The following ERCC4 variants were observed in gnomAD, a reference collection of about 807,000 sequenced individuals.
ERCC4 encodes ERCC excision repair 4, endonuclease catalytic subunit, also known as DNA repair endonuclease XPF.
ERCC4 carries 65 observed loss-of-function variants against 76.9 expected under a neutral mutation model. The observed-to-expected ratio is 0.84, with a 90% CI of 0.69 to 1.04. The LOEUF is 1.04. Among genes scored for constraint, ERCC4 ranks in the 50% least tolerant of loss-of-function variants. ERCC4 has a pLI of 0.00. For synonymous variants in ERCC4, 463 were observed against 410.1 expected (o/e 1.13, Z -1.56); for missense variants, 1,214 against 1,128.2 (o/e 1.08, Z -1.09).
chr16:13,926,727 T>C lies in ERCC4; in HGVS notation c.555T>C (p.Leu185=), dbSNP rs113129434. The C allele has an allele frequency of 1.1e-5, 17 of 1,613,874 alleles. No homozygotes were observed. The African/African-American group carries it at 1.5e-4, about 14-fold the overall frequency. The change falls in exon 3 of 11, where the codon CTT becomes CTC. Residue 185 remains leucine, a synonymous_variant. Transcript: ENST00000311895. ...ATGTGGAAAGAGTGATGAGAAATCT[T>C]TTTGTGAGGAAACTGTATCTGTGGC... ...FCHVERVMRN[L]FVRKLYLWPR... is the part of the protein sequence containing the mutation.
rs777853585 is a variant in ERCC4, at chr16:13,947,671, G to T, written c.2075G>T (p.Arg692Leu). The T allele has an allele frequency of 6.2e-7, 1 of 1,614,178 alleles. No homozygotes were observed. The highest frequency in any genetic ancestry group is 1.1e-5 in the South Asian group (1 of 91,080). ...ATAGTTGTGGATATGCGTGAATTTC[G>T]AAGTGAGCTTCCATCTCTGATCCAT... ...QSIVVDMREF[R>L]SELPSLIHRR... The change falls in exon 11 of 11, where the codon CGA (arginine) becomes CTA (leucine). Residue 692 changes from arginine (R) to leucine (L), a missense_variant. Physicochemically the swap from Arg to Leu is moderately radical, Grantham distance 102. Transcript: ENST00000311895.
intron 10 of ERCC4, among the ~76,000 whole-genome samples, chr16:13,945,587 A>T (rs1336341973): frequency 6.6e-6 from 1 of 152,214 alleles, no homozygotes; most frequent in Non-Finnish European, 1.5e-5. Flanking sequence ...ATAACCTCAG[A>T]TGCTCATTAA....
At chr16:13,941,813 C>T (rs942946563) in intron 9 of ERCC4, among the ~76,000 whole-genome samples, 2 of 152,094 alleles carry the variant, frequency 1.3e-5, no homozygotes, top group Non-Finnish European at 2.9e-5. Flanking sequence ...TTTGAAAATA[C>T]GATCACAAAA....
chr16:13,945,037 G>A (rs1269188981), intron 10 of ERCC4, among the ~76,000 whole-genome samples: 1 of 152,224 alleles, frequency 6.6e-6, no homozygotes, highest in East Asian at 1.9e-4. Flanking sequence ...AAGGCACTGT[G>A]TCATCTGCGA....
chr16:13,937,846 A>T lies in ERCC4; in HGVS notation c.1892A>T (p.Glu631Val), dbSNP rs1383387911. Residue 631 changes from glutamate (E) to valine (V), a missense_variant, in exon 9 of 11, where the codon GAA becomes GTA. By Grantham distance (121) the Glu-to-Val change is moderately radical. Transcript: ENST00000311895. ...TTGCGGAAAGAAAAGGAAGCTTTTG[A>T]AAAACTCATAAGGTAATACATAGAA... is the stretch of plus-strand genomic sequence containing the variant. ...TALRKEKEAFEKLIREKASMV... is the reference protein window; with the variant it reads ...TALRKEKEAFVKLIREKASMV... The T allele has an allele frequency of 6.2e-7, 1 of 1,608,692 alleles. No homozygotes were observed. The highest frequency in any genetic ancestry group is 8.5e-7 in the Non-Finnish European group (1 of 1,175,104).
chr16:13,925,677 A>G (rs1354434726), intron 2 of ERCC4, among the ~76,000 whole-genome samples: 3 of 152,182 alleles, frequency 2.0e-5, no homozygotes, highest in Non-Finnish European at 4.4e-5. Context: ...TGCAAGTACC[A>G]TTATGCCAAA....
At chr16:13,945,570 C>G (rs1056417795) in intron 10 of ERCC4, among the ~76,000 whole-genome samples, 1 of 152,202 alleles carries the variant, frequency 6.6e-6, no homozygotes, top group Non-Finnish European at 1.5e-5. Flanking sequence ...ATTTAGTAGA[C>G]TTTAGAATAA....
chr16:13,933,382 CCTG>C (rs1265647784), intron 6 of ERCC4: 1 of 154,100 alleles, frequency 6.5e-6, no homozygotes, highest in African/African-American at 2.4e-5. Flanking sequence ...AGGGTTAATG[CCTG>C]CTTTCTGCCT....
intron 8 of ERCC4, among the ~76,000 whole-genome samples, chr16:13,936,571 G>A (rs1032769690): frequency 4.6e-5 from 7 of 152,252 alleles, no homozygotes; most frequent in Non-Finnish European, 7.3e-5. Context: ...GAACAGAATA[G>A]TGTGGTATTT....
rs1334943980 is a variant in ERCC4 at position 13,947,722 on chromosome 16, T to TGACTTTAG, written c.2127_2134dup (p.Glu712GlyfsTer3). On this transcript the variant is annotated frameshift_variant, in exon 11 of 11. Coordinates refer to ENST00000311895, the MANE Select transcript of ERCC4 (RefSeq NM_005236.3). LOFTEE classifies it high-confidence loss of function. ...CGTCGGGGCATTGACATTGAACCCG[T>TGACTTTAG]GACTTTAGAGGTTGGAGATTACATC... is the stretch of plus-strand genomic sequence containing the variant. 1 of 1,614,224 alleles carries TGACTTTAG rather than the reference T, an allele frequency of 6.2e-7. No individual in the cohort carries two copies. Among genetic ancestry groups the TGACTTTAG allele is most frequent in the East Asian group, 2.2e-5 (1 of 44,886 alleles).
In ERCC4 at chr16:13,950,911, T is replaced by TACC; in HGVS notation, c.*2566_*2568dup. ...ATAACAGTCTTAAAAATTGCACTAATACCAGTGCCCCCCTGGCTCTCCAAA... is the reference window on the plus strand; with the variant it reads ...ATAACAGTCTTAAAAATTGCACTAATACCACCAGTGCCCCCCTGGCTCTCCAAA... On this transcript the variant is annotated 3_prime_UTR_variant, in exon 11 of 11. Coordinates refer to ENST00000311895, the MANE Select transcript of ERCC4 (RefSeq NM_005236.3). 1 of 181,540 alleles carries TACC rather than the reference T, an allele frequency of 5.5e-6. No homozygotes were observed. Among genetic ancestry groups the TACC allele is most frequent in the Non-Finnish European group, 1.2e-5 (1 of 86,562 alleles). The allele number at this position is 181,540 out of a possible 1,614,324, so 11.2% of individuals were successfully genotyped here.
chr16:13,922,854 T>C (rs2032004652), intron 2 of ERCC4, among the ~76,000 whole-genome samples: 1 of 152,248 alleles, frequency 6.6e-6, no homozygotes. Context: ...TAAATATCTG[T>C]GACCTGAATA....
intron 9 of ERCC4, among the ~76,000 whole-genome samples, chr16:13,939,286 T>C (rs1274054897): frequency 6.6e-6 from 1 of 152,204 alleles, no homozygotes; most frequent in Non-Finnish European, 1.5e-5. Flanking sequence ...GGCCCTGTGC[T>C]AATATTAAAG....
intron 9 of ERCC4, among the ~76,000 whole-genome samples, chr16:13,943,057 CT>C (rs2032445651): frequency 6.6e-6 from 1 of 152,194 alleles, no homozygotes; most frequent in South Asian, 2.1e-4. Flanking sequence ...TGTCTGCCCC[CT>C]TGTGATCTAC....
In ERCC4 at chr16:13,930,949, T is replaced by G. The variant is rs1371070166; in HGVS notation, c.973+59T>G. 4.1e-6 allele frequency: 5 copies of G among 1,209,070 alleles called. No individual in the cohort carries two copies. In the African/African-American group the frequency reaches 7.5e-5, roughly 18 times the overall value. 74.9% of individuals were successfully genotyped at this position (1,209,070 alleles called of 1,614,324 possible). A position where few individuals can be genotyped will look rare whatever the true frequency, so the allele number is the denominator to read the frequency against. On this transcript the variant is annotated intron_variant, in intron 5 of 10. Coordinates refer to ENST00000311895, the MANE Select transcript of ERCC4 (RefSeq NM_005236.3). ...GCTGATTTGAATAAAGTGTTAGGTTTTAGGGGGAATCAGGTGTGAAAAGTG... is the reference window on the plus strand; with the variant it reads ...GCTGATTTGAATAAAGTGTTAGGTTGTAGGGGGAATCAGGTGTGAAAAGTG...
chr16:13,940,186 C>T (rs890593455), intron 9 of ERCC4, among the ~76,000 whole-genome samples: 41 of 152,120 alleles, frequency 2.7e-4, no homozygotes, highest in African/African-American at 9.4e-4. Flanking sequence ...CAGGAGTTCA[C>T]GACCAGCCTG....
At chr16:13,937,644 G>C in intron 8 of ERCC4, 122 bp from the exon 9 acceptor site, 1 of 725,338 alleles carries the variant, frequency 1.4e-6, no homozygotes. Flanking sequence ...TGAAACCTTT[G>C]ATTCTTAGTC....
chr16:13,939,709 G>T (rs1013920868), intron 9 of ERCC4, among the ~76,000 whole-genome samples: 1 of 152,160 alleles, frequency 6.6e-6, no homozygotes. Context: ...TCAAGCTGAG[G>T]AGTGAGTGAG....
intron 9 of ERCC4, among the ~76,000 whole-genome samples, chr16:13,943,101 T>G (rs143966570): frequency 2.0e-5 from 3 of 152,334 alleles, no homozygotes; most frequent in Non-Finnish European, 4.4e-5. Flanking sequence ...ATATTTGCAT[T>G]TATAGGTTGT....
Sources: gnomAD v4.1 joint callset for allele counts (sites outside exome capture counted in the v4.1 genomes callset) on GRCh38, gnomAD v4.1.1 for gene constraint, MANE v1.5 for transcripts, NCBI Gene and HGNC (gene_info 2026-07-23, HGNC 2026-07-21) for gene names.